The following IGBP1 variants were observed in gnomAD, a reference collection of about 807,000 sequenced individuals.
IGBP1 encodes the protein immunoglobulin-binding protein 1.
IGBP1 carries 2 observed loss-of-function variants against 25.9 expected under a neutral mutation model. The observed-to-expected ratio is 0.08, with a 90% CI of 0.03 to 0.24. IGBP1 has a LOEUF of 0.24. Ranked by LOEUF, IGBP1 falls within the 10% of genes least tolerant of loss-of-function variation. IGBP1 has a pLI of 1.00. For synonymous variants in IGBP1, 96 were observed against 93.4 expected, an observed-to-expected ratio of 1.03 and a Z score of -0.16; for missense variants, 187 against 260.4, an observed-to-expected ratio of 0.72 and a Z score of 1.94.
intron 3 of IGBP1, among the ~76,000 whole-genome samples, chrX:70,145,184 C>A (rs1368392668): frequency 3.6e-5 from 4 of 110,668 alleles, no homozygotes; most frequent in Non-Finnish European, 7.6e-5. Flanking sequence ...TGAGGAACAT[C>A]TGATTCTGGA....
At chrX:70,165,798 A>G in intron 6 of IGBP1, 35 bp from the exon 7 acceptor site, 1 of 1,178,749 alleles carries the variant, frequency 8.5e-7, no homozygotes. Flanking sequence ...CATTCCCTCA[A>G]TTTCTCACCT....
intron 6 of IGBP1, among the ~76,000 whole-genome samples, chrX:70,156,580 A>G (rs749243934): frequency 1.3e-4 from 15 of 112,565 alleles, no homozygotes; most frequent in African/African-American, 4.8e-4. Flanking sequence ...AGAAGAAATT[A>G]GAAAGAAAAT....
In IGBP1 at chrX:70,133,915, A is replaced by G; in HGVS notation, c.-33A>G. ...TTATCAAGGTTGCCTTTGACCCCGGAAAAGAGATCTTCCGGGTTCCTCTCT... is the reference window on the plus strand; with the variant it reads ...TTATCAAGGTTGCCTTTGACCCCGGGAAAGAGATCTTCCGGGTTCCTCTCT... On this transcript the variant is annotated 5_prime_UTR_variant, in exon 2 of 7. Transcript: ENST00000356413. The G allele has an allele frequency of 8.4e-7, 1 of 1,194,377 alleles. No homozygotes were observed. Among genetic ancestry groups the G allele is most frequent in the Non-Finnish European group, 1.1e-6 (1 of 882,075 alleles).
In IGBP1 at chrX:70,166,158, G is replaced by T; in HGVS notation, c.*177G>T. ...TTAAGTGTGTATTTGTACCCTAGATGATATGAACCAGCAGTCTTGTTTTGG... is the reference window on the plus strand; with the variant it reads ...TTAAGTGTGTATTTGTACCCTAGATTATATGAACCAGCAGTCTTGTTTTGG... On this transcript the variant is annotated 3_prime_UTR_variant, in exon 7 of 7. Transcript: ENST00000356413. The T allele has an allele frequency of 4.5e-6, 2 of 446,275 alleles. No homozygotes were observed. Among genetic ancestry groups the T allele is most frequent in the Non-Finnish European group, 7.8e-6 (2 of 254,890 alleles). The allele number at this position is 446,275 out of a possible 1,213,427, so 36.8% of individuals were successfully genotyped here. A position where few individuals can be genotyped will look rare whatever the true frequency, so the allele number is the denominator to read the frequency against.
chrX:70,141,289 A>G (rs747141536), intron 3 of IGBP1, among the ~76,000 whole-genome samples: 13 of 109,831 alleles, frequency 1.2e-4, no homozygotes, highest in Non-Finnish European at 2.1e-4. Context: ...GGAGGTTGCC[A>G]TGAGCCAAGA....
chrX:70,150,028 A>T (rs1392170510), intron 5 of IGBP1, among the ~76,000 whole-genome samples, 182 bp from the exon 6 acceptor site: 1 of 111,861 alleles, frequency 8.9e-6, no homozygotes, highest in Non-Finnish European at 1.9e-5. Context: ...CCCTTTCTGG[A>T]TGCCCCTTTT....
chrX:70,150,372 T>A, intron 6 of IGBP1, 50 bp downstream of exon 6: 1 of 784,701 alleles, frequency 1.3e-6, no homozygotes, highest in Non-Finnish European at 2.0e-6. Context: ...TTTTACTCCC[T>A]GGCAATTAAG....
intron 6 of IGBP1, 145 bp from the exon 7 acceptor site, chrX:70,165,688 G>A (rs2085294057): frequency 3.4e-5 from 18 of 523,010 alleles, no homozygotes; most frequent in South Asian, 1.4e-4. Context: ...TTCTCTCCCC[G>A]CTTCCGCCGG....
intron 5 of IGBP1, 33 bp downstream of exon 5, chrX:70,148,873 C>T (rs1167693985): frequency 2.0e-6 from 2 of 982,773 alleles, no homozygotes; most frequent in East Asian, 3.1e-5. Flanking sequence ...CTTTGCAGCC[C>T]TCTGCTTTTA....
At position 70,134,359 on chromosome X, in the gene IGBP1, G is replaced by A. The variant is rs113762309; in HGVS notation, c.189-164G>A. 2.4e-3 allele frequency among the ~76,000 whole-genome samples: 266 copies of A among 111,723 alleles called. 4 individuals carry two copies. The highest frequency in any genetic ancestry group is 8.3e-3 in the African/African-American group (254 of 30,739). ...CGTCTGCTGATTGCATAGGCATTGG[G>A]TGTGAGCCCTCAGCCACTTTCATTG... On this transcript the variant is annotated intron_variant, in intron 2 of 6. Coordinates refer to ENST00000356413, the MANE Select transcript of IGBP1 (RefSeq NM_001551.3).
At chrX:70,146,545 T>C in intron 3 of IGBP1, 88 bp from the exon 4 acceptor site, 1 of 757,528 alleles carries the variant, frequency 1.3e-6, no homozygotes, top group Non-Finnish European at 2.1e-6. Context: ...ACCCTATCAT[T>C]TGCAAAGGTA....
chrX:70,156,792 T>C (rs1855295555), intron 6 of IGBP1, among the ~76,000 whole-genome samples: 3 of 110,722 alleles, frequency 2.7e-5, no homozygotes, highest in Admixed American at 9.7e-5. Flanking sequence ...ATAGAAAAAT[T>C]AGCCGGGCGT....
chrX:70,145,794 G>A (rs2085162539), intron 3 of IGBP1, among the ~76,000 whole-genome samples: 1 of 112,269 alleles, frequency 8.9e-6, no homozygotes, highest in Non-Finnish European at 1.9e-5. Flanking sequence ...TTTTCCTGAA[G>A]TCTTTGTTCA....
At chrX:70,162,156 T>C (rs921393675) in intron 6 of IGBP1, among the ~76,000 whole-genome samples, 5 of 111,912 alleles carry the variant, frequency 4.5e-5, no homozygotes, top group African/African-American at 1.3e-4. Flanking sequence ...GAAGTAACTT[T>C]AGTTGGAAAC....
intron 3 of IGBP1, among the ~76,000 whole-genome samples, chrX:70,144,977 G>A (rs1244251853): frequency 1.9e-5 from 2 of 107,765 alleles, no homozygotes; most frequent in Non-Finnish European, 3.8e-5. Flanking sequence ...CTTTTCATGG[G>A]TCATGGACCC....
chrX:70,148,300 A>G (rs2085180350), intron 4 of IGBP1, among the ~76,000 whole-genome samples: 1 of 111,810 alleles, frequency 8.9e-6, no homozygotes, highest in Non-Finnish European at 1.9e-5. Context: ...CTTTGGGAAC[A>G]TTGACTTCTA....
intron 3 of IGBP1, among the ~76,000 whole-genome samples, chrX:70,138,072 G>A (rs1201279687): frequency 9.0e-6 from 1 of 110,928 alleles, no homozygotes; most frequent in Non-Finnish European, 1.9e-5. Flanking sequence ...GGAGTCGGAG[G>A]CTGCAGTGAG....
intron 6 of IGBP1, among the ~76,000 whole-genome samples, chrX:70,161,158 A>G (rs916381190): frequency 8.9e-6 from 1 of 112,155 alleles, no homozygotes; most frequent in African/African-American, 3.2e-5. Context: ...ATTCTTCCCA[A>G]TATTCTTTCT....
chrX:70,134,214 G>A (rs1243915437), intron 2 of IGBP1, 79 bp downstream of exon 2: 15 of 940,758 alleles, frequency 1.6e-5, no homozygotes, highest in Non-Finnish European at 4.6e-6. Flanking sequence ...CGCCTGAGTG[G>A]AGGGGACCTT....
Sources: gnomAD v4.1 joint callset for allele counts (sites outside exome capture counted in the v4.1 genomes callset) on GRCh38, gnomAD v4.1.1 for gene constraint, MANE v1.5 for transcripts, NCBI Gene and HGNC (gene_info 2026-07-23, HGNC 2026-07-21) for gene names.